Variants in NECTIN1 observed in about 807,000 individuals in gnomAD.
NECTIN1 encodes the protein nectin cell adhesion molecule 1, also known as nectin-1.
NECTIN1 carries 23 observed loss-of-function variants against 48.0 expected under a neutral mutation model. That is an observed-to-expected ratio of 0.48 (90% CI 0.34 to 0.68). The LOEUF is 0.68. NECTIN1 is among the 30% of genes least tolerant of loss of function. NECTIN1 has a pLI of 0.01. For synonymous variants in NECTIN1, 270 were observed against 288.9 expected, an observed-to-expected ratio of 0.93 and a Z score of 0.66; for missense variants, 591 against 709.9, an observed-to-expected ratio of 0.83 and a Z score of 1.90.
Position 119,661,750 on chromosome 11 carries a change from C to G in NECTIN1, c.*2997G>C, listed in dbSNP as rs987494453. 1.0e-6 allele frequency: 1 copy of G among 985,576 alleles called. No individual in the cohort carries two copies. Among genetic ancestry groups the G allele is most frequent in the African/African-American group, 1.7e-5 (1 of 57,226 alleles). 61.1% of individuals were successfully genotyped at this position (985,576 alleles called of 1,614,324 possible). On this transcript the variant is annotated 3_prime_UTR_variant, in exon 6 of 6. Coordinates refer to ENST00000264025, the MANE Select transcript of NECTIN1 (RefSeq NM_002855.5). ...CTTGCAGCCCGGGCACTGGGAAATT[C>G]GTTTCTCCTTAATGGCTTTCAGCAG... is the stretch of plus-strand genomic sequence containing the variant.
chr11:119,653,760 T>C (rs1864525991), intron 5 of NECTIN1, among the ~76,000 whole-genome samples: 1 of 152,200 alleles, frequency 6.6e-6, no homozygotes, highest in African/African-American at 2.4e-5. Flanking sequence ...CTGTTCTAGG[T>C]GTTCTGTTGA....
rs768844647 is a variant in NECTIN1 at position 119,665,172 on chromosome 11, C to T, written c.1129G>A (p.Ala377Thr). The T allele has an allele frequency of 1.2e-6, 2 of 1,611,246 alleles. No individual in the cohort carries two copies. Among genetic ancestry groups the T allele is most frequent in the African/African-American group, 1.3e-5 (1 of 74,792 alleles). ...AAGGTGTGCCGGCGCCGACGCAGGG[C>T]GACCACGATCCCGCCGACCACAATC... ...VLIVVGGIVV[A>T]LRRRRHTFKG... is the part of the protein sequence containing the mutation. The change falls in exon 6 of 6, where the codon GCC becomes ACC. Residue 377 changes from alanine to threonine, a missense_variant. Ala to Thr is a moderately conservative substitution (Grantham distance 58, BLOSUM62 0). Transcript: ENST00000264025. The surrounding 1 kb of genome is among the most constrained non-coding windows in gnomAD (Gnocchi z 5.1).
chr11:119,704,756 C>A (rs1488130866), intron 1 of NECTIN1, among the ~76,000 whole-genome samples: 1 of 152,114 alleles, frequency 6.6e-6, no homozygotes, highest in African/African-American at 2.4e-5. Context: ...CACTCCACCC[C>A]GGGAGGCTCT....
chr11:119,640,675 G>A (rs958463693), intron 5 of NECTIN1: 11 of 152,978 alleles, frequency 7.2e-5, no homozygotes, highest in African/African-American at 2.7e-4. Flanking sequence ...GGAGACACTG[G>A]TCTGTCCCTG....
chr11:119,724,159 C>G (rs572418291), intron 1 of NECTIN1, among the ~76,000 whole-genome samples: 1 of 152,184 alleles, frequency 6.6e-6, no homozygotes, highest in Admixed American at 6.5e-5. Context: ...GCTACCTCCC[C>G]TCCCCACACA....
At chr11:119,703,722 G>A (rs888325671) in intron 1 of NECTIN1, among the ~76,000 whole-genome samples, 2 of 152,170 alleles carry the variant, frequency 1.3e-5, no homozygotes, top group African/African-American at 2.4e-5. Context: ...TGTCTGCCTC[G>A]TACCCTGAAT....
rs1193416192 is a variant in NECTIN1 at position 119,684,098 on chromosome 11, G to A, written c.80-5333C>T. On this transcript the variant is annotated intron_variant, in intron 1 of 5. Transcript: ENST00000264025. The surrounding 1 kb of genome is among the most constrained non-coding windows in gnomAD (Gnocchi z 5.2). ...CACGCAGCGGGGTGTGGCACACTTC[G>A]CTCCCCACATACCCACTTAAAGCAG... Among the ~76,000 whole-genome samples, 1 of 152,190 alleles carries A rather than the reference G, an allele frequency of 6.6e-6. No individual in the cohort carries two copies. Among genetic ancestry groups the A allele is most frequent in the Non-Finnish European group, 1.5e-5 (1 of 68,026 alleles).
intron 1 of NECTIN1, among the ~76,000 whole-genome samples, chr11:119,707,410 C>T (rs1352973605): frequency 6.6e-6 from 1 of 152,180 alleles, no homozygotes; most frequent in South Asian, 2.1e-4. Flanking sequence ...TCCACCTTCT[C>T]TTTTATGGCC....
At chr11:119,655,560 C>T (rs1323235355) in intron 5 of NECTIN1, among the ~76,000 whole-genome samples, 1 of 152,174 alleles carries the variant, frequency 6.6e-6, no homozygotes, top group Non-Finnish European at 1.5e-5. Flanking sequence ...GAAGCCCAGG[C>T]TCCTAACAGC....
At chr11:119,676,812 A>G (rs748533226) in intron 4 of NECTIN1, 19 of 460,030 alleles carry the variant, frequency 4.1e-5, no homozygotes, top group Non-Finnish European at 6.8e-5. Context: ...TGAATCACCA[A>G]AGGAAAACGA....
chr11:119,705,035 G>A (rs548050778), intron 1 of NECTIN1, among the ~76,000 whole-genome samples: 1 of 152,364 alleles, frequency 6.6e-6, no homozygotes, highest in East Asian at 1.9e-4. Context: ...TGAGAGAACT[G>A]TGTAGATGCC....
In NECTIN1 at chr11:119,661,310, G is replaced by C. The variant is rs1164603881; in HGVS notation, c.*3437C>G. On this transcript the variant is annotated 3_prime_UTR_variant, in exon 6 of 6. Transcript: ENST00000264025. Reference sequence around the variant, plus strand: ...GGGGTCAGAAGAGCAGCAGCACCGAGTGGGACAGGGGCTCCTCCTGGCCTC... The same window carrying C: ...GGGGTCAGAAGAGCAGCAGCACCGACTGGGACAGGGGCTCCTCCTGGCCTC... The C allele has an allele frequency of 4.1e-6, 4 of 986,056 alleles. No homozygotes were observed. The East Asian group carries it at 4.5e-4, about 112-fold the overall frequency. 61.1% of individuals were successfully genotyped at this position (986,056 alleles called of 1,614,324 possible).
intron 1 of NECTIN1, among the ~76,000 whole-genome samples, chr11:119,694,544 A>C (rs1484141918): frequency 6.6e-6 from 1 of 152,196 alleles, no homozygotes. Flanking sequence ...CTCTCATTGC[A>C]GAAGGTTCCT....
At chr11:119,642,911 G>A (rs1864347552) in intron 5 of NECTIN1, 1 of 153,520 alleles carries the variant, frequency 6.5e-6, no homozygotes, top group Admixed American at 6.5e-5. Flanking sequence ...CTTTTTTTCT[G>A]AGTATTTTTG....
chr11:119,680,485 C>A (rs1865040769), intron 1 of NECTIN1, among the ~76,000 whole-genome samples: 1 of 152,192 alleles, frequency 6.6e-6, no homozygotes, highest in Admixed American at 6.5e-5. Flanking sequence ...TCACTCACCT[C>A]CTCAGCGTGA....
intron 1 of NECTIN1, among the ~76,000 whole-genome samples, chr11:119,681,232 G>A (rs1258149582): frequency 6.6e-6 from 1 of 152,258 alleles, no homozygotes; most frequent in Non-Finnish European, 1.5e-5. Context: ...AGGCTGCCCA[G>A]TGGCTGAGAT....
intron 5 of NECTIN1, among the ~76,000 whole-genome samples, chr11:119,674,172 C>T (rs753115067): frequency 4.6e-5 from 7 of 152,166 alleles, no homozygotes; most frequent in Non-Finnish European, 8.8e-5. Context: ...CAACTGCCGA[C>T]CAGTCTTCTG....
intron 5 of NECTIN1, among the ~76,000 whole-genome samples, chr11:119,652,554 TC>T (rs1285672220): frequency 6.6e-6 from 1 of 152,188 alleles, no homozygotes; most frequent in Non-Finnish European, 1.5e-5. Flanking sequence ...ACTTTCAAAA[TC>T]CTACATCTCT....
chr11:119,654,251 CCA>C (rs1864534969), intron 5 of NECTIN1: 1 of 19,376 alleles, frequency 5.2e-5, no homozygotes, highest in Admixed American at 7.2e-4. Flanking sequence ...GAATATTCAT[CCA>C]TCCATCCATC....
Sources: gnomAD v4.1 joint callset for allele counts (sites outside exome capture counted in the v4.1 genomes callset) on GRCh38, gnomAD v4.1.1 for gene constraint, Gnocchi (gnomAD v3.1) non-coding constraint, MANE v1.5 for transcripts, NCBI Gene and HGNC (gene_info 2026-07-23, HGNC 2026-07-21) for gene names.